The following DYNC1H1 variants were observed in gnomAD, a reference collection of about 807,000 sequenced individuals.
DYNC1H1 encodes the protein dynein cytoplasmic 1 heavy chain 1, also known as cytoplasmic dynein 1 heavy chain 1.
Under a neutral mutation model 527.1 loss-of-function variants are expected in DYNC1H1, and 51 were observed. That is an observed-to-expected ratio of 0.10 (90% CI 0.08 to 0.12). DYNC1H1 has a LOEUF of 0.12. DYNC1H1 is among the 10% of genes least tolerant of loss of function. The probability of loss-of-function intolerance (pLI) is 1.00; values close to 1 mark genes in which losing one functional copy is unlikely to be tolerated. For missense variants in DYNC1H1, 2,771 were observed against 5,971.8 expected (o/e 0.46, Z 17.66); for synonymous variants, 2,189 against 2,278.8 (o/e 0.96, Z 1.12).
At position 102,010,961 on chromosome 14, in the gene DYNC1H1, G is replaced by C. The variant is rs759798222; in HGVS notation, c.6618+9G>C. On this transcript the variant is annotated intron_variant, in intron 32 of 77. Transcript: ENST00000360184. This position sits in a 1 kb window ranked among gnomAD's most constrained non-coding sequence, Gnocchi z 6.0. ...GAATGTGGGTTGAAAAGGTAACTTG[G>C]ATTGTTTCACTGGCCACTGCCCTCA... is the stretch of plus-strand genomic sequence containing the variant. 6.8e-6 allele frequency: 11 copies of C among 1,614,038 alleles called. No individual in the cohort carries two copies. The highest frequency in any genetic ancestry group is 6.7e-5 in the Admixed American group (4 of 60,004).
At position 102,042,901 on chromosome 14, in the gene DYNC1H1, C is replaced by A; in HGVS notation, c.12513+153C>A. On this transcript the variant is annotated intron_variant, in intron 69 of 77. Coordinates refer to ENST00000360184, the MANE Select transcript of DYNC1H1 (RefSeq NM_001376.5). The surrounding 1 kb of genome is among the most constrained non-coding windows in gnomAD (Gnocchi z 5.7). ...TTTCAGCTGTAGGTAAAATTTCCTTCCATGGCCGGGCACCGTGGCTCACAC... is the reference window on the plus strand; with the variant it reads ...TTTCAGCTGTAGGTAAAATTTCCTTACATGGCCGGGCACCGTGGCTCACAC... 2 of 892,100 alleles carry A rather than the reference C, an allele frequency of 2.2e-6. No homozygotes were observed. The highest frequency in any genetic ancestry group is 3.6e-6 in the Non-Finnish European group (2 of 560,582). 55.3% of individuals were successfully genotyped at this position (892,100 alleles called of 1,614,324 possible).
chr14:101,975,407 C>T (rs1409693030), intron 1 of DYNC1H1, among the ~76,000 whole-genome samples: 1 of 152,202 alleles, frequency 6.6e-6, no homozygotes, highest in Admixed American at 6.5e-5. Context: ...CCATAGCCAG[C>T]AGCGGCTAGC....
chr14:102,000,317 G>T lies in DYNC1H1; in HGVS notation c.3992G>T (p.Gly1331Val). 6.2e-7 allele frequency: 1 copy of T among 1,614,146 alleles called. No homozygotes were observed. Among genetic ancestry groups the T allele is most frequent in the Non-Finnish European group, 8.5e-7 (1 of 1,180,046 alleles). ...VALEELQDLK[G>V]VWSELSKVWE... ...TTAGAAGAATTACAGGACCTCAAAG[G>T]CGTTTGGTCAGAACTTTCTAAGGTT... Residue 1331 changes from glycine to valine, a missense_variant, in exon 18 of 78, where the codon GGC becomes GTC. This residue lies in a region of DYNC1H1 where 223 missense variants were observed against 462.5 expected (regional missense o/e 0.48). Coordinates refer to ENST00000360184, the MANE Select transcript of DYNC1H1 (RefSeq NM_001376.5).
chr14:102,010,283 G>A lies in DYNC1H1; in HGVS notation c.6229G>A (p.Asp2077Asn), dbSNP rs1244011747. The change falls in exon 31 of 78, where the codon GAT (aspartate) becomes AAT (asparagine). Residue 2077 changes from aspartate to asparagine, a missense_variant. This residue lies in a region of DYNC1H1 where 19 missense variants were observed against 90.4 expected (regional missense o/e 0.21). Transcript: ENST00000360184. This position sits in a 1 kb window ranked among gnomAD's most constrained non-coding sequence, Gnocchi z 6.0. ...TTTTTTCTTCTTTTCTAGACTATGCGATGAGCAGCTCTCTTCCCAAAGCCA... is the reference window on the plus strand; with the variant it reads ...TTTTTTCTTCTTTTCTAGACTATGCAATGAGCAGCTCTCTTCCCAAAGCCA... Reference protein sequence around the residue: ...NKIVPFFKLCDEQLSSQSHYD... With the variant: ...NKIVPFFKLCNEQLSSQSHYD... 4 of 1,613,862 alleles carry A rather than the reference G, an allele frequency of 2.5e-6. No individual in the cohort carries two copies. The highest frequency in any genetic ancestry group is 3.4e-6 in the Non-Finnish European group (4 of 1,180,020).
chr14:102,042,649 G>T lies in DYNC1H1; in HGVS notation c.12414G>T (p.Leu4138=). ...MEINPKVPVN[L]LRAGRIFVFE... ...CTCTCCCTTAGGTGCCTGTGAATCT[G>T]CTCCGTGCGGGCCGCATCTTTGTGT... Residue 4138 remains leucine (L), a synonymous_variant, in exon 69 of 78, where the codon CTG becomes CTT. Coordinates refer to ENST00000360184, the MANE Select transcript of DYNC1H1 (RefSeq NM_001376.5). This position sits in a 1 kb window ranked among gnomAD's most constrained non-coding sequence, Gnocchi z 5.7. 6.2e-7 allele frequency: 1 copy of T among 1,614,178 alleles called. No homozygotes were observed.
At chr14:102,025,107 G>C (rs1177414306) in intron 43 of DYNC1H1, among the ~76,000 whole-genome samples, 1 of 151,844 alleles carries the variant, frequency 6.6e-6, no homozygotes, top group East Asian at 2.0e-4. Context: ...AGGCCAAGGT[G>C]GGCGGATCAC....
rs762613552 is a variant in DYNC1H1, at chr14:102,042,347, C to G, written c.12276-37C>G. 4 of 1,614,032 alleles carry G rather than the reference C, an allele frequency of 2.5e-6. No individual in the cohort carries two copies. Among genetic ancestry groups the G allele is most frequent in the Middle Eastern group, 1.6e-4 (1 of 6,084 alleles). ...AGTCCCCAGGCATTCAGGCAGGCAG[C>G]CTGGCATGCTGTGTGACTCTCACTT... On this transcript the variant is annotated intron_variant, in intron 67 of 77. Coordinates refer to ENST00000360184, the MANE Select transcript of DYNC1H1 (RefSeq NM_001376.5). This position sits in a 1 kb window ranked among gnomAD's most constrained non-coding sequence, Gnocchi z 5.7.
Position 102,033,637 on chromosome 14 carries a change from C to A in DYNC1H1, c.10413+153C>A. 1.1e-6 allele frequency: 1 copy of A among 925,504 alleles called. No individual in the cohort carries two copies. Among genetic ancestry groups the A allele is most frequent in the Non-Finnish European group, 1.7e-6 (1 of 594,612 alleles). 57.3% of individuals were successfully genotyped at this position (925,504 alleles called of 1,614,324 possible). Reference sequence around the variant, plus strand: ...AGGACTTTTTTCCTGGAAAATAATACACACTGAGTAGTCACTAAGTGTTGT... The same window carrying A: ...AGGACTTTTTTCCTGGAAAATAATAAACACTGAGTAGTCACTAAGTGTTGT... On this transcript the variant is annotated intron_variant, in intron 54 of 77. Transcript: ENST00000360184. This position sits in a 1 kb window ranked among gnomAD's most constrained non-coding sequence, Gnocchi z 5.6.
chr14:102,050,604 A>G lies in DYNC1H1; in HGVS notation c.*41A>G. Reference sequence around the variant, plus strand: ...CCTTTCTGTAATAGTGAAAGTTGGTATTTAACATTTATTCATTTTTAAAAT... The same window carrying G: ...CCTTTCTGTAATAGTGAAAGTTGGTGTTTAACATTTATTCATTTTTAAAAT... On this transcript the variant is annotated 3_prime_UTR_variant, in exon 78 of 78. Coordinates refer to ENST00000360184, the MANE Select transcript of DYNC1H1 (RefSeq NM_001376.5). 2 of 1,613,980 alleles carry G rather than the reference A, an allele frequency of 1.2e-6. No homozygotes were observed. Among genetic ancestry groups the G allele is most frequent in the Non-Finnish European group, 1.7e-6 (2 of 1,179,890 alleles).
At position 102,041,454 on chromosome 14, in the gene DYNC1H1, C is replaced by A; in HGVS notation, c.11942-120C>A. 6.6e-7 allele frequency: 1 copy of A among 1,523,028 alleles called. No homozygotes were observed. The highest frequency in any genetic ancestry group is 9.0e-7 in the Non-Finnish European group (1 of 1,106,202). The allele number at this position is 1,523,028 out of a possible 1,614,324, so 94.3% of individuals were successfully genotyped here. On this transcript the variant is annotated intron_variant, in intron 64 of 77. Transcript: ENST00000360184. This position sits in a 1 kb window ranked among gnomAD's most constrained non-coding sequence, Gnocchi z 4.5. ...ATGTGGCTGAATTTCCTGATTTGAG[C>A]TGATCCTGAAATGCTGAGCATTTGC...
rs17541214 is a variant in DYNC1H1, at chr14:102,019,585, T to C, written c.8344-308T>C. 1.6e-3 allele frequency among the ~76,000 whole-genome samples: 249 copies of C among 152,374 alleles called. 1 individual carries two copies. Among genetic ancestry groups the C allele is most frequent in the African/African-American group, 5.7e-3 (236 of 41,592 alleles). On this transcript the variant is annotated intron_variant, in intron 41 of 77. Transcript: ENST00000360184. Reference sequence around the variant, plus strand: ...AATCTAACTTTGTTCTGGACAGTTATTTATCCAATTGTTCCAACATTGTTT... The same window carrying C: ...AATCTAACTTTGTTCTGGACAGTTACTTATCCAATTGTTCCAACATTGTTT...
Position 101,983,048 on chromosome 14 carries a change from G to A in DYNC1H1, c.991G>A (p.Asp331Asn). The A allele has an allele frequency of 6.2e-7, 1 of 1,614,152 alleles. No homozygotes were observed. The highest frequency in any genetic ancestry group is 8.5e-7 in the Non-Finnish European group (1 of 1,180,038). The change falls in exon 6 of 78, where the codon GAC becomes AAC. Residue 331 changes from aspartate to asparagine, a missense_variant. By Grantham distance (23) the Asp-to-Asn change is conservative. Coordinates refer to ENST00000360184, the MANE Select transcript of DYNC1H1 (RefSeq NM_001376.5). This position sits in a 1 kb window ranked among gnomAD's most constrained non-coding sequence, Gnocchi z 5.3. ...AAAACAGGCTTTGGAAACTGTGAAT[G>A]ACTACAATCCTCTGATGAAAGATTT... The part of the protein sequence containing the change: ...GLKQALETVN[D>N]YNPLMKDFPL...
chr14:102,050,419 C>A lies in DYNC1H1; in HGVS notation c.13813-16C>A, dbSNP rs2048791806. 1 of 1,614,198 alleles carries A rather than the reference C, an allele frequency of 6.2e-7. No homozygotes were observed. The highest frequency in any genetic ancestry group is 8.5e-7 in the Non-Finnish European group (1 of 1,180,038). On this transcript the variant is annotated splice_polypyrimidine_tract_variant and intron_variant, in intron 77 of 77. Coordinates refer to ENST00000360184, the MANE Select transcript of DYNC1H1 (RefSeq NM_001376.5). ...CTTTTCCCTTAAGCCACCAGTAAACCCCTCTGCTTCTGCAGGTAACCTTAC... is the reference window on the plus strand; with the variant it reads ...CTTTTCCCTTAAGCCACCAGTAAACACCTCTGCTTCTGCAGGTAACCTTAC...
Position 102,001,408 on chromosome 14 carries a change from G to A in DYNC1H1, c.4395+54G>A, listed in dbSNP as rs2048129314. 1.2e-6 allele frequency: 2 copies of A among 1,613,228 alleles called. No homozygotes were observed. Among genetic ancestry groups the A allele is most frequent in the African/African-American group, 2.7e-5 (2 of 74,896 alleles). ...ACGTTGTGTTTCGGGCTGTTACATA[G>A]ATCTGAGCTATGTAAAAATGGAGCC... On this transcript the variant is annotated intron_variant, in intron 20 of 77. Transcript: ENST00000360184. The surrounding 1 kb of genome is among the most constrained non-coding windows in gnomAD (Gnocchi z 5.0).
In DYNC1H1 at chr14:102,049,652, GA is replaced by G; in HGVS notation, c.13516-57del. 1 of 1,613,362 alleles carries G rather than the reference GA, an allele frequency of 6.2e-7. No homozygotes were observed. On this transcript the variant is annotated intron_variant, in intron 75 of 77. Transcript: ENST00000360184. This position sits in a 1 kb window ranked among gnomAD's most constrained non-coding sequence, Gnocchi z 5.5. ...GGGCTGGGGTGGGAGTGGCTCTGGG[GA>G]AAAACACAGGGCCCAGGTCTGACCT...
At chr14:102,043,656 C>G (rs1040120278) in intron 69 of DYNC1H1, 4 of 616,104 alleles carry the variant, frequency 6.5e-6, no homozygotes, top group Non-Finnish European at 1.1e-5. Context: ...CTCTAGATTT[C>G]TTACTGGCTG....
chr14:102,012,548 T>A lies in DYNC1H1; in HGVS notation c.7014+78T>A, dbSNP rs2152579572. ...ACTTCGTGTGCTAGCTAAGTGCAGC[T>A]CTGGAGTCATGGACCCAGATTCCAT... is the stretch of plus-strand genomic sequence containing the variant. On this transcript the variant is annotated intron_variant, in intron 34 of 77. Transcript: ENST00000360184. This position sits in a 1 kb window ranked among gnomAD's most constrained non-coding sequence, Gnocchi z 4.9. 6.3e-7 allele frequency: 1 copy of A among 1,591,264 alleles called. No homozygotes were observed. Among genetic ancestry groups the A allele is most frequent in the Non-Finnish European group, 8.6e-7 (1 of 1,161,046 alleles).
intron 77 of DYNC1H1, 41 bp downstream of exon 77, chr14:102,050,239 C>T: frequency 6.2e-7 from 1 of 1,613,760 alleles, no homozygotes; most frequent in Non-Finnish European, 8.5e-7. Context: ...TGCAGGGACC[C>T]CTGCGGTAAC....
In DYNC1H1 at chr14:101,965,953, G is replaced by A. The variant is rs1331614526; in HGVS notation, c.256+1006G>A. 6.6e-6 allele frequency among the ~76,000 whole-genome samples: 1 copy of A among 152,116 alleles called. No individual in the cohort carries two copies. The highest frequency in any genetic ancestry group is 2.4e-5 in the African/African-American group (1 of 41,418). ...ATCTAAGTCTGGGGCTTGCCTGCAG[G>A]CAGGCTTTCTCATGGATTCATTACA... On this transcript the variant is annotated intron_variant, in intron 1 of 77. Transcript: ENST00000360184. The surrounding 1 kb of genome is among the most constrained non-coding windows in gnomAD (Gnocchi z 4.1).
Sources: allele counts gnomAD v4.1 joint callset (sites outside exome capture counted in the v4.1 genomes callset), GRCh38; gene constraint gnomAD v4.1.1; regional missense constraint gnomAD v4.1.1; non-coding constraint Gnocchi (gnomAD v3.1); transcripts MANE v1.5; gene names NCBI Gene and HGNC (gene_info 2026-07-23, HGNC 2026-07-21).